ARHGAP15: variants seen among roughly 807,000 people sequenced by gnomAD.
ARHGAP15 encodes Rho GTPase activating protein 15, also known as rho GTPase-activating protein 15.
A neutral mutation model predicts 63.7 loss-of-function variants in ARHGAP15; 51 were observed. That is an observed-to-expected ratio of 0.80 (90% confidence interval 0.64 to 1.01). The LOEUF (loss-of-function observed/expected upper bound fraction) is 1.01. Among genes scored for constraint, ARHGAP15 ranks in the 50% least tolerant of loss-of-function variants. The pLI is 0.00. For missense variants in ARHGAP15, 560 were observed against 564.6 expected, an observed-to-expected ratio of 0.99 and a Z score of 0.08; for synonymous variants, 191 against 193.8, an observed-to-expected ratio of 0.99 and a Z score of 0.12.
rs771856412 is a variant in ARHGAP15, at chr2:143,624,276, C to G, written c.1138+9C>G. 13 of 1,608,246 alleles carry G rather than the reference C, an allele frequency of 8.1e-6. No individual in the cohort carries two copies. Among genetic ancestry groups the G allele is most frequent in the Non-Finnish European group, 1.1e-5 (13 of 1,176,276 alleles). ...GTTTGTGGAAGCGATCAGTAAGTAC[C>G]TCACAGAAAAGGGCAGGTGGTAGAA... is the stretch of plus-strand genomic sequence containing the variant. On this transcript the variant is annotated intron_variant, in intron 12 of 13. Transcript: ENST00000295095.
intron 4 of ARHGAP15, among the ~76,000 whole-genome samples, chr2:143,223,409 C>G (rs1276609726): frequency 6.6e-6 from 1 of 152,170 alleles, no homozygotes; most frequent in Non-Finnish European, 1.5e-5. Flanking sequence ...TTTGGACTGT[C>G]TTACTAAAGT....
At chr2:143,588,307 A>G (rs1697187746) in intron 11 of ARHGAP15, among the ~76,000 whole-genome samples, 1 of 152,126 alleles carries the variant, frequency 6.6e-6, no homozygotes, top group Admixed American at 6.5e-5. Flanking sequence ...TTTTAATGGC[A>G]TACTCCACTG....
intron 6 of ARHGAP15, among the ~76,000 whole-genome samples, chr2:143,365,113 A>C (rs1686239405): frequency 6.6e-6 from 1 of 152,192 alleles, no homozygotes; most frequent in African/African-American, 2.4e-5. Flanking sequence ...GATGTAGTAC[A>C]CCCGAATAAG....
chr2:143,756,074 G>T (rs1406534410), intron 13 of ARHGAP15, among the ~76,000 whole-genome samples: 1 of 152,052 alleles, frequency 6.6e-6, no homozygotes, highest in Non-Finnish European at 1.5e-5. Flanking sequence ...CTATTTTTCA[G>T]TCATTTAAAC....
At chr2:143,513,919 C>T (rs956756561) in intron 9 of ARHGAP15, among the ~76,000 whole-genome samples, 1 of 152,130 alleles carries the variant, frequency 6.6e-6, no homozygotes, top group African/African-American at 2.4e-5. Context: ...TCACAAATAA[C>T]TCAATATCTC....
At chr2:143,580,741 T>C (rs572432980) in intron 11 of ARHGAP15, among the ~76,000 whole-genome samples, 1 of 152,286 alleles carries the variant, frequency 6.6e-6, no homozygotes, top group South Asian at 2.1e-4. Flanking sequence ...TATTGGTACA[T>C]AATTCTAATT....
chr2:143,768,272 C>A lies in ARHGAP15; in HGVS notation c.*100C>A, dbSNP rs951997148. On this transcript the variant is annotated 3_prime_UTR_variant, in exon 14 of 14. Coordinates refer to ENST00000295095, the MANE Select transcript of ARHGAP15 (RefSeq NM_018460.4). Reference sequence around the variant, plus strand: ...TCTGAAATATTTTTTGCCTTTCAAGCGACAGATGCCTCATTTTGTGAAAAC... The same window carrying A: ...TCTGAAATATTTTTTGCCTTTCAAGAGACAGATGCCTCATTTTGTGAAAAC... The A allele has an allele frequency of 2.8e-6, 3 of 1,076,380 alleles. No homozygotes were observed. The highest frequency in any genetic ancestry group is 2.6e-6 in the Non-Finnish European group (2 of 759,540). The allele number at this position is 1,076,380 out of a possible 1,614,324, so 66.7% of individuals were successfully genotyped here. A position where few individuals can be genotyped will look rare whatever the true frequency, so the allele number is the denominator to read the frequency against.
chr2:143,753,576 G>A (rs1001274419), intron 13 of ARHGAP15, among the ~76,000 whole-genome samples: 1 of 152,124 alleles, frequency 6.6e-6, no homozygotes, highest in African/African-American at 2.4e-5. Context: ...TAGTACAGAT[G>A]ATAAATTTAT....
At chr2:143,469,996 A>C (rs1691440652) in intron 8 of ARHGAP15, among the ~76,000 whole-genome samples, 1 of 151,832 alleles carries the variant, frequency 6.6e-6, no homozygotes, top group African/African-American at 2.4e-5. Context: ...ATTGTCAGAT[A>C]CAGAGAATTC....
chr2:143,324,166 T>C (rs973346340), intron 6 of ARHGAP15, among the ~76,000 whole-genome samples: 6 of 152,150 alleles, frequency 3.9e-5, no homozygotes, highest in African/African-American at 1.4e-4. Context: ...CCCACATACA[T>C]AGGAACATAC....
intron 6 of ARHGAP15, among the ~76,000 whole-genome samples, chr2:143,326,207 A>G (rs1168209744): frequency 1.3e-5 from 2 of 152,154 alleles, no homozygotes; most frequent in Non-Finnish European, 2.9e-5. Flanking sequence ...ATGGTACTTT[A>G]TTATTTTCAA....
chr2:143,200,984 T>C (rs1180733857), intron 2 of ARHGAP15, among the ~76,000 whole-genome samples: 1 of 152,096 alleles, frequency 6.6e-6, no homozygotes, highest in African/African-American at 2.4e-5. Context: ...TGTCCAAAAA[T>C]TTAGATGAAG....
chr2:143,413,578 C>T (rs1688535688), intron 6 of ARHGAP15, among the ~76,000 whole-genome samples: 1 of 152,124 alleles, frequency 6.6e-6, no homozygotes, highest in Admixed American at 6.5e-5. Context: ...TTAAGTGATC[C>T]TCCCACCTGA....
intron 6 of ARHGAP15, among the ~76,000 whole-genome samples, chr2:143,360,509 A>C (rs879656339): frequency 3.9e-5 from 6 of 152,140 alleles, no homozygotes; most frequent in Non-Finnish European, 8.8e-5. Flanking sequence ...TTAGCAAAAA[A>C]AAAAATGATC....
At chr2:143,183,707 T>C (rs1402130935) in intron 2 of ARHGAP15, among the ~76,000 whole-genome samples, 2 of 147,800 alleles carry the variant, frequency 1.4e-5, no homozygotes, top group Non-Finnish European at 3.0e-5. Context: ...TTGTTTTGGA[T>C]TGTATTTTTC....
chr2:143,237,684 G>A (rs541128753), intron 5 of ARHGAP15: 4 of 152,118 alleles, frequency 2.6e-5, no homozygotes, highest in African/African-American at 9.7e-5. Flanking sequence ...CAATTGGGTG[G>A]ATGAGAGCCA....
At chr2:143,674,701 T>C (rs966789513) in intron 12 of ARHGAP15, among the ~76,000 whole-genome samples, 1 of 152,228 alleles carries the variant, frequency 6.6e-6, no homozygotes, top group Non-Finnish European at 1.5e-5. Context: ...GTTTATACTA[T>C]ACTGTAGTCC....
At chr2:143,308,109 T>C (rs1246266345) in intron 6 of ARHGAP15, among the ~76,000 whole-genome samples, 2 of 152,146 alleles carry the variant, frequency 1.3e-5, no homozygotes, top group Admixed American at 1.3e-4. Context: ...GCTATGCTGT[T>C]AGGTCTTTGG....
chr2:143,688,893 A>G (rs1683468267), intron 12 of ARHGAP15, among the ~76,000 whole-genome samples: 1 of 152,084 alleles, frequency 6.6e-6, no homozygotes, highest in African/African-American at 2.4e-5. Flanking sequence ...GCCATTTGAA[A>G]GTTTTGCCAG....
Sources: gnomAD v4.1 joint callset for allele counts (sites outside exome capture counted in the v4.1 genomes callset) on GRCh38, gnomAD v4.1.1 for gene constraint, MANE v1.5 for transcripts, NCBI Gene and HGNC (gene_info 2026-07-23, HGNC 2026-07-21) for gene names.